The following AMPH variants were observed in gnomAD, a reference collection of about 807,000 sequenced individuals.
AMPH encodes amphiphysin (Stiff-Mann syndrome with breast cancer 128kD autoantigen).
A neutral mutation model predicts 99.1 loss-of-function variants in AMPH; 49 were observed. The ratio of observed to expected loss-of-function variants is 0.49; its 90% CI spans 0.39 to 0.63. The LOEUF (loss-of-function observed/expected upper bound fraction) is 0.63, where lower values mean the gene tolerates loss of function less well. Ranked by LOEUF, AMPH falls within the 20% of genes least tolerant of loss-of-function variation. The pLI is 0.00. For synonymous variants in AMPH, 314 were observed against 317.3 expected, an observed-to-expected ratio of 0.99 and a Z score of 0.11; for missense variants, 759 against 863.4, an observed-to-expected ratio of 0.88 and a Z score of 1.52.
intron 17 of AMPH, among the ~76,000 whole-genome samples, chr7:38,414,624 C>T (rs2128985868): frequency 6.6e-6 from 1 of 152,212 alleles, no homozygotes; most frequent in African/African-American, 2.4e-5. Context: ...GCTTTACAAC[C>T]TGATTCTCTA....
At chr7:38,525,326 T>C (rs981227619) in intron 2 of AMPH, among the ~76,000 whole-genome samples, 1 of 141,744 alleles carries the variant, frequency 7.1e-6, no homozygotes, top group Admixed American at 7.2e-5. Flanking sequence ...AGCCTTTGCA[T>C]CCTGTACTCA....
At chr7:38,461,484 C>CAG in intron 10 of AMPH, 73 bp from the exon 11 acceptor site, 1 of 1,580,634 alleles carries the variant, frequency 6.3e-7, no homozygotes, top group Admixed American at 1.7e-5. Context: ...GTCACATGAA[C>CAG]AGAGCTACAT....
chr7:38,571,184 AATATATATAT>A, intron 1 of AMPH, among the ~76,000 whole-genome samples: 1 of 94,242 alleles, frequency 1.1e-5, no homozygotes, highest in South Asian at 3.4e-4. Context: ...TTTATATATG[AATATATATAT>A]TTATATATAA....
At chr7:38,417,582 T>C (rs1455524782) in intron 17 of AMPH, among the ~76,000 whole-genome samples, 1 of 152,260 alleles carries the variant, frequency 6.6e-6, no homozygotes, top group African/African-American at 2.4e-5. Context: ...ACAACCCTTC[T>C]ACTGTGCTAT....
At chr7:38,430,118 GGCTA>G in intron 13 of AMPH, 1 of 499,548 alleles carries the variant, frequency 2.0e-6, no homozygotes, top group Non-Finnish European at 3.5e-6. Flanking sequence ...GATGTTTTAT[GGCTA>G]GTATATGACT....
At chr7:38,560,513 C>G (rs1791516702) in intron 1 of AMPH, among the ~76,000 whole-genome samples, 1 of 152,212 alleles carries the variant, frequency 6.6e-6, no homozygotes, top group South Asian at 2.1e-4. Flanking sequence ...TGCAAGCTAG[C>G]TGGCACAAGA....
intron 2 of AMPH, among the ~76,000 whole-genome samples, chr7:38,534,255 G>T (rs1293700608): frequency 6.6e-6 from 1 of 152,020 alleles, no homozygotes; most frequent in Non-Finnish European, 1.5e-5. Context: ...GCGAATGCAT[G>T]CTCTTGAAGC....
At chr7:38,512,421 A>C (rs1272214673) in intron 2 of AMPH, among the ~76,000 whole-genome samples, 1 of 152,198 alleles carries the variant, frequency 6.6e-6, no homozygotes, top group African/African-American at 2.4e-5. Flanking sequence ...TGGTACAGTC[A>C]ACCTGGGAAT....
At chr7:38,578,085 A>G (rs4146043) in intron 1 of AMPH, among the ~76,000 whole-genome samples, 149,010 of 152,312 alleles carry the variant, frequency 0.98, 72,908 homozygotes, top group East Asian at 1. Flanking sequence ...ACTGCCACAC[A>G]CTTATAGGTG....
chr7:38,477,664 C>A (rs772473549), intron 5 of AMPH, among the ~76,000 whole-genome samples: 18 of 152,096 alleles, frequency 1.2e-4, no homozygotes, highest in Non-Finnish European at 1.6e-4. Flanking sequence ...TAAAGCCCTG[C>A]TCATTTCTAT....
chr7:38,401,551 C>T (rs911622728), intron 17 of AMPH, among the ~76,000 whole-genome samples: 6 of 152,170 alleles, frequency 3.9e-5, no homozygotes, highest in African/African-American at 1.4e-4. Context: ...TCCTACATGA[C>T]CAACTATTGA....
At chr7:38,456,517 G>A (rs920137230) in intron 11 of AMPH, among the ~76,000 whole-genome samples, 3 of 152,134 alleles carry the variant, frequency 2.0e-5, no homozygotes, top group Admixed American at 6.5e-5. Flanking sequence ...TTCCTCCTGG[G>A]TCTGAGATTG....
chr7:38,566,309 T>G lies in AMPH; in HGVS notation c.70-31298A>C, dbSNP rs538248198. On this transcript the variant is annotated intron_variant, in intron 1 of 20. Transcript: ENST00000356264. The stretch of plus-strand genomic sequence containing the variant: ...ATGTCTTCTTTTGTCTTGTTTATTG[T>G]TTTTTTTTTGTTTTGAGACAATCTC... Among the ~76,000 whole-genome samples the G allele has an allele frequency of 6.5e-3, 125 of 19,278 alleles. 2 individuals are homozygous for G. Among genetic ancestry groups the G allele is most frequent in the East Asian group, 0.05 (119 of 2,362 alleles). The allele number at this position is 19,278 out of a possible 152,430, so 12.6% of individuals were successfully genotyped here. A position where few individuals can be genotyped will look rare whatever the true frequency, so the allele number is the denominator to read the frequency against.
chr7:38,417,813 G>A lies in AMPH; in HGVS notation c.1398+12C>T. ...CGAGGCAGATGGAGGGTGAGAGGGA[G>A]GTGGTGCTCACCACTGCCTCCTCCA... On this transcript the variant is annotated intron_variant, in intron 17 of 20. Transcript: ENST00000356264. 6.2e-7 allele frequency: 1 copy of A among 1,613,488 alleles called. No homozygotes were observed.
intron 1 of AMPH, among the ~76,000 whole-genome samples, chr7:38,578,217 C>G (rs1051898429): frequency 6.6e-6 from 1 of 152,118 alleles, no homozygotes; most frequent in African/African-American, 2.4e-5. Context: ...GGTTCCAGTA[C>G]CCACTGAACA....
At position 38,421,080 on chromosome 7, in the gene AMPH, T is replaced by TC. The variant is rs1369214641; in HGVS notation, c.1272+1340dup. The TC allele has an allele frequency of 2.2e-5, 10 of 456,274 alleles. No homozygotes were observed. The East Asian group carries it at 6.9e-4, about 32-fold the overall frequency. The allele number at this position is 456,274 out of a possible 1,614,324, so 28.3% of individuals were successfully genotyped here. On this transcript the variant is annotated intron_variant, in intron 16 of 20. Coordinates refer to ENST00000356264, the MANE Select transcript of AMPH (RefSeq NM_001635.4). ...AATGCTGAACATGACAAAGCTAAGT[T>TC]CCCCATGGAAAGAAGGGGCAAGATG...
chr7:38,521,897 T>G (rs938819273), intron 2 of AMPH, among the ~76,000 whole-genome samples: 2 of 152,220 alleles, frequency 1.3e-5, no homozygotes, highest in African/African-American at 2.4e-5. Context: ...CACTCTTTGC[T>G]GAAATGTCAC....
chr7:38,507,097 C>G (rs1234372939), intron 2 of AMPH, among the ~76,000 whole-genome samples: 3 of 152,152 alleles, frequency 2.0e-5, no homozygotes, highest in African/African-American at 7.2e-5. Context: ...GAAATTAACC[C>G]CACAATTAAC....
chr7:38,533,240 C>A (rs1265385718), intron 2 of AMPH, among the ~76,000 whole-genome samples: 1 of 152,194 alleles, frequency 6.6e-6, no homozygotes, highest in East Asian at 1.9e-4. Context: ...CCAAGTCCAA[C>A]ATTTCTCTAG....
Sources: gnomAD v4.1 joint callset for allele counts (sites outside exome capture counted in the v4.1 genomes callset) on GRCh38, gnomAD v4.1.1 for gene constraint, MANE v1.5 for transcripts, NCBI Gene and HGNC (gene_info 2026-07-23, HGNC 2026-07-21) for gene names.